The following INPP4B variants were observed in gnomAD, a reference collection of about 807,000 sequenced individuals.
INPP4B encodes inositol polyphosphate-4-phosphatase type II B.
Under a neutral mutation model 122.5 loss-of-function variants are expected in INPP4B, and 55 were observed. The ratio of observed to expected loss-of-function variants is 0.45; its 90% CI spans 0.36 to 0.56. The LOEUF (loss-of-function observed/expected upper bound fraction) is 0.56. Ranked by LOEUF, INPP4B falls within the 20% of genes least tolerant of loss-of-function variation. The pLI is 0.00. For synonymous variants in INPP4B, 403 were observed against 388.7 expected (o/e 1.04, Z -0.43); for missense variants, 1,000 against 1,097.7 (o/e 0.91, Z 1.26).
At chr4:142,313,582 T>C (rs1184968612) in intron 8 of INPP4B, among the ~76,000 whole-genome samples, 3 of 152,154 alleles carry the variant, frequency 2.0e-5, no homozygotes, top group Non-Finnish European at 4.4e-5. Flanking sequence ...TCCATCTGCC[T>C]GTGTCTGTGG....
chr4:142,425,604 T>A (rs1373612041), intron 5 of INPP4B, among the ~76,000 whole-genome samples: 2 of 152,070 alleles, frequency 1.3e-5, no homozygotes, highest in East Asian at 3.9e-4. Flanking sequence ...ATTCTTAGGC[T>A]CAATATGAAC....
chr4:142,047,967 G>C (rs532893363), intron 25 of INPP4B, among the ~76,000 whole-genome samples: 1 of 152,144 alleles, frequency 6.6e-6, no homozygotes, highest in South Asian at 2.1e-4. Context: ...TTATTCAAAA[G>C]CATCAACTAA....
rs549874487 is a variant in INPP4B, at chr4:142,645,010, T to C, written c.-191+80829A>G. On this transcript the variant is annotated intron_variant, in intron 2 of 25. Transcript: ENST00000262992. ...GAAAAAGTACATGTTAAGATCTGAT[T>C]CTATAATTACTAAAAATCAAGATGT... is the stretch of plus-strand genomic sequence containing the variant. Among the ~76,000 whole-genome samples, 3 of 152,180 alleles carry C rather than the reference T, an allele frequency of 2.0e-5. No individual in the cohort carries two copies. In the East Asian group the frequency reaches 5.8e-4, roughly 29 times the overall value.
At chr4:142,540,533 C>T (rs561785926) in intron 2 of INPP4B, among the ~76,000 whole-genome samples, 10 of 151,998 alleles carry the variant, frequency 6.6e-5, no homozygotes, top group African/African-American at 9.7e-5. Flanking sequence ...CTGTTTTCTC[C>T]AACTATTCTA....
intron 7 of INPP4B, among the ~76,000 whole-genome samples, chr4:142,382,575 T>C (rs1439559305): frequency 7.3e-6 from 1 of 136,192 alleles, no homozygotes; most frequent in African/African-American, 3.0e-5. Flanking sequence ...TTATATATTA[T>C]ATATTATATA....
At chr4:142,369,158 T>C (rs1406475867) in intron 7 of INPP4B, among the ~76,000 whole-genome samples, 1 of 152,166 alleles carries the variant, frequency 6.6e-6, no homozygotes, top group African/African-American at 2.4e-5. Flanking sequence ...TCTGCTGCAC[T>C]CTTGGGGTTT....
intron 8 of INPP4B, among the ~76,000 whole-genome samples, chr4:142,311,423 C>A (rs541626224): frequency 6.6e-6 from 1 of 152,214 alleles, no homozygotes; most frequent in East Asian, 1.9e-4. Context: ...ACAGTAATTT[C>A]TAGAATCCCC....
intron 7 of INPP4B, among the ~76,000 whole-genome samples, chr4:142,340,408 T>TC (rs1554039279): frequency 1.5e-4 from 9 of 61,552 alleles, no homozygotes; most frequent in Non-Finnish European, 2.5e-4. Flanking sequence ...TTTCTTTTTT[T>TC]TCTCTTTAAA....
intron 25 of INPP4B, among the ~76,000 whole-genome samples, chr4:142,080,235 T>C (rs1360279653): frequency 6.6e-6 from 1 of 152,140 alleles, no homozygotes; most frequent in Non-Finnish European, 1.5e-5. Context: ...AAACCTCATG[T>C]TCATATCTAC....
At chr4:142,052,437 A>G (rs545331423) in intron 25 of INPP4B, among the ~76,000 whole-genome samples, 3 of 152,184 alleles carry the variant, frequency 2.0e-5, no homozygotes, top group African/African-American at 7.2e-5. Flanking sequence ...CTTCAGATGT[A>G]TTTCTAAAAA....
At chr4:142,120,674 T>C (rs1431092340) in intron 21 of INPP4B, among the ~76,000 whole-genome samples, 4 of 152,100 alleles carry the variant, frequency 2.6e-5, no homozygotes, top group Admixed American at 2.0e-4. Context: ...CCCCCTCTGT[T>C]AGTGAAGCTG....
intron 2 of INPP4B, among the ~76,000 whole-genome samples, chr4:142,590,804 G>A (rs28758948): frequency 0.014 from 2,092 of 149,674 alleles, 40 homozygotes; most frequent in African/African-American, 0.041. Context: ...CAATGAAACA[G>A]GGTCTAGTTG....
intron 1 of INPP4B, among the ~76,000 whole-genome samples, chr4:142,819,923 C>T (rs1022241115): frequency 7.9e-5 from 12 of 152,016 alleles, no homozygotes; most frequent in Admixed American, 5.2e-4. Context: ...GTGAATCTGC[C>T]TCGAGCCGAG....
chr4:142,179,948 G>A (rs1579191279), intron 15 of INPP4B, among the ~76,000 whole-genome samples: 1 of 151,994 alleles, frequency 6.6e-6, no homozygotes, highest in Non-Finnish European at 1.5e-5. Context: ...ACCCAAACCT[G>A]GTCTCCTGAT....
intron 2 of INPP4B, among the ~76,000 whole-genome samples, chr4:142,479,764 A>G (rs1290227135): frequency 6.6e-6 from 1 of 152,162 alleles, no homozygotes; most frequent in African/African-American, 2.4e-5. Flanking sequence ...AATATTGAGT[A>G]CACGTGGACA....
intron 3 of INPP4B, among the ~76,000 whole-genome samples, chr4:142,456,372 GT>G: frequency 6.6e-6 from 1 of 152,082 alleles, no homozygotes; most frequent in Middle Eastern, 3.4e-3. Context: ...TGAATATACA[GT>G]TTTTCCAGCC....
At chr4:142,505,168 A>AT (rs1823847047) in intron 2 of INPP4B, among the ~76,000 whole-genome samples, 1 of 151,636 alleles carries the variant, frequency 6.6e-6, no homozygotes, top group African/African-American at 2.4e-5. Context: ...GAGCCCAGGA[A>AT]TTCGAGGTTG....
rs1008725555 is a variant in INPP4B, at chr4:142,846,158, C to G, written c.-254+51G>C. On this transcript the variant is annotated intron_variant, in intron 1 of 25. Coordinates refer to ENST00000262992, the MANE Select transcript of INPP4B (RefSeq NM_001101669.3). This position sits in a 1 kb window ranked among gnomAD's most constrained non-coding sequence, Gnocchi z 5.1. Reference sequence around the variant, plus strand: ...CCGGATTACCCACCATCAACCACCCCACCCTGCAAAATTCCCCCACCGAGC... The same window carrying G: ...CCGGATTACCCACCATCAACCACCCGACCCTGCAAAATTCCCCCACCGAGC... 6.6e-6 allele frequency: 1 copy of G among 152,230 alleles called. No homozygotes were observed. The highest frequency in any genetic ancestry group is 1.5e-5 in the Non-Finnish European group (1 of 68,142). The allele number at this position is 152,230 out of a possible 1,614,324, so 9.4% of individuals were successfully genotyped here.
chr4:142,065,627 T>C (rs766333585), intron 25 of INPP4B, among the ~76,000 whole-genome samples: 16 of 152,176 alleles, frequency 1.1e-4, no homozygotes, highest in Non-Finnish European at 2.2e-4. Flanking sequence ...TAAATCTATT[T>C]ATATGCAATG....
Sources: allele counts gnomAD v4.1 joint callset (sites outside exome capture counted in the v4.1 genomes callset), GRCh38; gene constraint gnomAD v4.1.1; non-coding constraint Gnocchi (gnomAD v3.1); transcripts MANE v1.5; gene names NCBI Gene and HGNC (gene_info 2026-07-23, HGNC 2026-07-21).